The following ZFYVE9 variants were observed in gnomAD, a reference collection of about 807,000 sequenced individuals.
ZFYVE9 encodes the protein zinc finger FYVE domain-containing protein 9.
Under a neutral mutation model 126.7 loss-of-function variants are expected in ZFYVE9, and 43 were observed. The ratio of observed to expected loss-of-function variants is 0.34; its 90% confidence interval spans 0.27 to 0.44. The LOEUF (loss-of-function observed/expected upper bound fraction) is 0.44, where lower values mean the gene tolerates loss of function less well. ZFYVE9 is among the 20% of genes least tolerant of loss of function. ZFYVE9 has a pLI of 1.00. For synonymous variants in ZFYVE9, 521 were observed against 597.4 expected, an observed-to-expected ratio of 0.87 and a Z score of 1.87; for missense variants, 1,476 against 1,697.0, an observed-to-expected ratio of 0.87 and a Z score of 2.29.
intron 2 of ZFYVE9, among the ~76,000 whole-genome samples, chr1:52,217,794 G>A (rs1340441251): frequency 6.6e-6 from 1 of 152,178 alleles, no homozygotes; most frequent in Admixed American, 6.5e-5. Flanking sequence ...ATCAGGGGCT[G>A]TATTATTAGG....
chr1:52,264,321 A>G (rs978300261), intron 5 of ZFYVE9, among the ~76,000 whole-genome samples: 1 of 152,208 alleles, frequency 6.6e-6, no homozygotes, highest in Non-Finnish European at 1.5e-5. Flanking sequence ...CATCTTGTTG[A>G]AGATAACTAT....
chr1:52,281,216 T>C (rs1645800549), intron 9 of ZFYVE9, among the ~76,000 whole-genome samples: 1 of 150,536 alleles, frequency 6.6e-6, no homozygotes, highest in Non-Finnish European at 1.5e-5. Context: ...CACTGCAAGC[T>C]CCACCTCCCG....
chr1:52,338,152 G>A (rs1166934739), intron 16 of ZFYVE9, among the ~76,000 whole-genome samples: 1 of 152,154 alleles, frequency 6.6e-6, no homozygotes, highest in Non-Finnish European at 1.5e-5. Context: ...TAAGTAGAGG[G>A]ATTGATGAAA....
intron 1 of ZFYVE9, among the ~76,000 whole-genome samples, chr1:52,194,827 A>G (rs1644846266): frequency 6.6e-6 from 1 of 152,166 alleles, no homozygotes; most frequent in Non-Finnish European, 1.5e-5. Flanking sequence ...AGGCTTATTG[A>G]TAGGGATAAG....
chr1:52,145,268 G>T (rs1644296299), intron 1 of ZFYVE9, among the ~76,000 whole-genome samples: 1 of 152,202 alleles, frequency 6.6e-6, no homozygotes, highest in African/African-American at 2.4e-5. Context: ...GGTAGAGTGA[G>T]TAGAGATGAT....
chr1:52,177,910 A>G (rs1196194301), intron 1 of ZFYVE9, among the ~76,000 whole-genome samples: 1 of 151,736 alleles, frequency 6.6e-6, no homozygotes, highest in Admixed American at 6.6e-5. Flanking sequence ...GAGCTAGATT[A>G]TGAAAGACTT....
intron 1 of ZFYVE9, among the ~76,000 whole-genome samples, chr1:52,195,550 C>T (rs932030275): frequency 2.0e-5 from 3 of 152,144 alleles, no homozygotes; most frequent in Non-Finnish European, 4.4e-5. Flanking sequence ...TAATTATACC[C>T]ACTATTTAGG....
At chr1:52,302,916 T>A in intron 12 of ZFYVE9, among the ~76,000 whole-genome samples, 1 of 151,598 alleles carries the variant, frequency 6.6e-6, no homozygotes, top group Middle Eastern at 3.2e-3. Context: ...TCAAGACCAG[T>A]CTGGCCAACA....
intron 1 of ZFYVE9, among the ~76,000 whole-genome samples, chr1:52,195,939 C>T (rs928480629): frequency 6.6e-6 from 1 of 152,022 alleles, no homozygotes; most frequent in Non-Finnish European, 1.5e-5. Context: ...ACTATAGGTT[C>T]GCGGCAGCAA....
intron 10 of ZFYVE9, among the ~76,000 whole-genome samples, chr1:52,284,676 C>T (rs982585974): frequency 8.5e-5 from 13 of 152,108 alleles, no homozygotes; most frequent in African/African-American, 2.9e-4. Context: ...GCCTCGGCCT[C>T]CGAAAGTGCT....
At chr1:52,263,287 C>G (rs770404180) in intron 4 of ZFYVE9, among the ~76,000 whole-genome samples, 11 of 152,024 alleles carry the variant, frequency 7.2e-5, no homozygotes, top group Non-Finnish European at 2.9e-5. Context: ...TGACCCTTGG[C>G]CTTCATAGCA....
intron 12 of ZFYVE9, among the ~76,000 whole-genome samples, chr1:52,299,696 C>T (rs1646014307): frequency 6.6e-6 from 1 of 152,158 alleles, no homozygotes; most frequent in East Asian, 1.9e-4. Context: ...TCTGTTGGGC[C>T]TAGGCTCTCA....
In ZFYVE9 at chr1:52,346,340, A is replaced by C; in HGVS notation, c.*119A>C. On this transcript the variant is annotated 3_prime_UTR_variant, in exon 19 of 19. Coordinates refer to ENST00000287727, the MANE Select transcript of ZFYVE9 (RefSeq NM_004799.4). ...GTTAACACTATTAATGGGGTGGGGAATAGGGTGGGAGTGGGGGTTTGGGAG... is the reference window on the plus strand; with the variant it reads ...GTTAACACTATTAATGGGGTGGGGACTAGGGTGGGAGTGGGGGTTTGGGAG... The C allele has an allele frequency of 6.5e-6, 2 of 306,362 alleles. No individual in the cohort carries two copies. Among genetic ancestry groups the C allele is most frequent in the Middle Eastern group, 4.8e-4 (1 of 2,078 alleles). 19.0% of individuals were successfully genotyped at this position (306,362 alleles called of 1,614,324 possible).
At chr1:52,257,909 A>G (rs1055347729) in intron 4 of ZFYVE9, among the ~76,000 whole-genome samples, 1 of 152,132 alleles carries the variant, frequency 6.6e-6, no homozygotes, top group African/African-American at 2.4e-5. Context: ...TATTTTTAGT[A>G]GAGATAGGGT....
rs568765691 is a variant in ZFYVE9, at chr1:52,288,835, A to G, written c.3026-4618A>G. On this transcript the variant is annotated intron_variant, in intron 10 of 18. Coordinates refer to ENST00000287727, the MANE Select transcript of ZFYVE9 (RefSeq NM_004799.4). Reference sequence around the variant, plus strand: ...CAACTACTTGGGAAGCTCAGGCGGGAGAATCAATTGAACCCGGGAGGCGGA... The same window carrying G: ...CAACTACTTGGGAAGCTCAGGCGGGGGAATCAATTGAACCCGGGAGGCGGA... 5.0e-4 allele frequency among the ~76,000 whole-genome samples: 75 copies of G among 149,898 alleles called. 1 individual carries two copies. Among genetic ancestry groups the G allele is most frequent in the African/African-American group, 1.5e-3 (62 of 40,934 alleles).
At chr1:52,180,165 G>A in intron 1 of ZFYVE9, 1 of 1,317,390 alleles carries the variant, frequency 7.6e-7, no homozygotes, top group Non-Finnish European at 1.1e-6. Flanking sequence ...CAAAGCCAGT[G>A]AGGGTTTGTG....
chr1:52,179,514 G>A (rs1196327426), intron 1 of ZFYVE9, among the ~76,000 whole-genome samples: 5 of 151,978 alleles, frequency 3.3e-5, no homozygotes, highest in Non-Finnish European at 7.4e-5. Context: ...CATGCCTATA[G>A]TCCCAGCTAC....
chr1:52,305,803 A>G (rs952197009), intron 13 of ZFYVE9, among the ~76,000 whole-genome samples: 1 of 152,148 alleles, frequency 6.6e-6, no homozygotes, highest in Non-Finnish European at 1.5e-5. Context: ...AGCCCTGGAA[A>G]TGCCTGCTCC....
rs1396735737 is a variant in ZFYVE9 at position 52,238,091 on chromosome 1, C to A, written c.674C>A (p.Ser225Tyr). ...AATAGACCGAAAACAGAGGGGAGAT[C>A]TGTTAACCATCTGTGTCCTACTTCA... ...PLNRPKTEGR[S>Y]VNHLCPTSSD... The change falls in exon 4 of 19, where the codon TCT becomes TAT. Residue 225 changes from serine (S) to tyrosine (Y), a missense_variant. Transcript: ENST00000287727. 5.6e-6 allele frequency: 9 copies of A among 1,613,906 alleles called. No individual in the cohort carries two copies. Among genetic ancestry groups the A allele is most frequent in the Non-Finnish European group, 7.6e-6 (9 of 1,179,966 alleles).
Sources: gnomAD v4.1 joint callset for allele counts (sites outside exome capture counted in the v4.1 genomes callset) on GRCh38, gnomAD v4.1.1 for gene constraint, MANE v1.5 for transcripts, NCBI Gene and HGNC (gene_info 2026-07-23, HGNC 2026-07-21) for gene names.